MCTP2: variants seen among roughly 807,000 people sequenced by gnomAD.
MCTP2 encodes multiple C2 and transmembrane domain containing 2, also known as multiple C2 and transmembrane domain-containing protein 2.
In MCTP2, 132 loss-of-function variants were observed where a neutral mutation model predicts 111.6. The ratio of observed to expected loss-of-function variants is 1.18; its 90% CI spans 1.03 to 1.37. The LOEUF is 1.37. MCTP2 is among the 40% of genes most tolerant of loss of function. The pLI, the probability that MCTP2 is intolerant of heterozygous loss-of-function variation, is 0.00. For missense variants in MCTP2, 1,183 were observed against 1,067.9 expected, an observed-to-expected ratio of 1.11 and a Z score of -1.50; for synonymous variants, 395 against 387.7, an observed-to-expected ratio of 1.02 and a Z score of -0.22.
chr15:94,340,762 A>C (rs1299537660), intron 6 of MCTP2, 51 bp from the exon 7 acceptor site: 2 of 1,173,712 alleles, frequency 1.7e-6, no homozygotes, highest in Admixed American at 3.5e-5. Context: ...GTGTAGGTCA[A>C]TACAGTCCTG....
chr15:94,366,109 C>G (rs1032392498), intron 10 of MCTP2, among the ~76,000 whole-genome samples: 1 of 152,112 alleles, frequency 6.6e-6, no homozygotes, highest in Admixed American at 6.5e-5. Flanking sequence ...CCACTTACAT[C>G]ATGCTTATGA....
chr15:94,365,306 A>G (rs1266257183), intron 10 of MCTP2, among the ~76,000 whole-genome samples: 2 of 152,226 alleles, frequency 1.3e-5, no homozygotes, highest in Admixed American at 1.3e-4. Context: ...CTGTTGCTCA[A>G]AGGACTCTAA....
chr15:94,325,273 C>T (rs1369329078), intron 4 of MCTP2, among the ~76,000 whole-genome samples: 7 of 151,372 alleles, frequency 4.6e-5, no homozygotes, highest in East Asian at 1.9e-4. Context: ...GGTCGTGGGG[C>T]GGGGCCGTGA....
chr15:94,458,186 T>C lies in MCTP2; in HGVS notation c.2300T>C (p.Ile767Thr), dbSNP rs1347887011. ...GAAAGAATCTATATGGTACAGGATATTGTTTCAACTGTTCAAAACGTCTTG... is the reference window on the plus strand; with the variant it reads ...GAAAGAATCTATATGGTACAGGATACTGTTTCAACTGTTCAAAACGTCTTG... ...LIERIYMVQD[I>T]VSTVQNVLEE... The change falls in exon 20 of 23, where the codon ATT becomes ACT. Residue 767 changes from isoleucine (I) to threonine (T), a missense_variant. Ile to Thr is a moderately conservative substitution (Grantham distance 89). Coordinates refer to ENST00000357742, the MANE Select transcript of MCTP2 (RefSeq NM_001385001.1). 2 of 1,612,780 alleles carry C rather than the reference T, an allele frequency of 1.2e-6. No homozygotes were observed. The highest frequency in any genetic ancestry group is 1.7e-6 in the Non-Finnish European group (2 of 1,178,736).
intron 10 of MCTP2, 112 bp from the exon 11 acceptor site, chr15:94,367,493 C>A: frequency 1.2e-6 from 1 of 818,948 alleles, no homozygotes; most frequent in Non-Finnish European, 1.9e-6. Context: ...AACCTAAGAC[C>A]AGACAGAGTG....
chr15:94,364,284 C>A (rs2152432734), intron 10 of MCTP2, among the ~76,000 whole-genome samples: 1 of 152,086 alleles, frequency 6.6e-6, no homozygotes, highest in Admixed American at 6.5e-5. Context: ...AAACTTATGG[C>A]CCACAAACCA....
chr15:94,247,553 G>C (rs1438574066), intron 1 of MCTP2, among the ~76,000 whole-genome samples: 1 of 152,050 alleles, frequency 6.6e-6, no homozygotes, highest in East Asian at 1.9e-4. Flanking sequence ...GAGATGTTAA[G>C]AGGAGTGGGT....
chr15:94,400,488 G>A (rs1303402339), intron 16 of MCTP2, among the ~76,000 whole-genome samples: 1 of 151,802 alleles, frequency 6.6e-6, no homozygotes, highest in East Asian at 1.9e-4. Flanking sequence ...GGGATGTGTT[G>A]GCATTTCACC....
intron 16 of MCTP2, 128 bp downstream of exon 16, chr15:94,400,123 C>A: frequency 1.4e-6 from 1 of 710,124 alleles, no homozygotes; most frequent in Non-Finnish European, 2.4e-6. Context: ...CTCCCTCTTG[C>A]CCCATCTCTC....
rs146268290 is a variant in MCTP2 at position 94,257,836 on chromosome 15, C to T, written c.-66+26172C>T. ...TCTTAACCTTGTGATCTGCCCTCCT[C>T]GGCCTCCCAAAGTGTCAGGATTACA... is the stretch of plus-strand genomic sequence containing the variant. On this transcript the variant is annotated intron_variant, in intron 1 of 22. Transcript: ENST00000357742. 5.7e-3 allele frequency among the ~76,000 whole-genome samples: 866 copies of T among 151,354 alleles called. 8 individuals are homozygous for T. Among genetic ancestry groups the T allele is most frequent in the African/African-American group, 0.019 (798 of 41,246 alleles).
intron 12 of MCTP2, among the ~76,000 whole-genome samples, chr15:94,379,751 T>A (rs1428295242): frequency 1.4e-5 from 2 of 147,070 alleles, no homozygotes; most frequent in East Asian, 1.9e-4. Flanking sequence ...ATATGATATA[T>A]AATATATATA....
At chr15:94,258,288 G>A (rs531239571) in intron 1 of MCTP2, among the ~76,000 whole-genome samples, 1 of 152,168 alleles carries the variant, frequency 6.6e-6, no homozygotes, top group Admixed American at 6.5e-5. Flanking sequence ...CTAAGCCCAG[G>A]TTATGGTAAA....
rs1426869045 is a variant in MCTP2 at position 94,398,985 on chromosome 15, T to A, written c.1813T>A (p.Tyr605Asn). 1 of 1,559,434 alleles carries A rather than the reference T, an allele frequency of 6.4e-7. No individual in the cohort carries two copies. The highest frequency in any genetic ancestry group is 8.8e-7 in the Non-Finnish European group (1 of 1,130,916). ...LSIRDGQPNC[Y>N]VLKNKDLEQA... ...GATTAGAGATGGACAACCGAATTGT[T>A]ATGTACTAAAGAATAAAGATTTAGA... The change falls in exon 15 of 23, where the codon TAT becomes AAT. Residue 605 changes from tyrosine to asparagine, a missense_variant. Coordinates refer to ENST00000357742, the MANE Select transcript of MCTP2 (RefSeq NM_001385001.1).
chr15:94,310,711 A>G (rs1017690921), intron 2 of MCTP2, among the ~76,000 whole-genome samples: 4 of 150,738 alleles, frequency 2.7e-5, no homozygotes, highest in African/African-American at 9.7e-5. Context: ...ATTTCATAAC[A>G]TAAAATAATA....
chr15:94,408,170 A>C (rs1426849079), intron 17 of MCTP2, among the ~76,000 whole-genome samples: 1 of 152,204 alleles, frequency 6.6e-6, no homozygotes, highest in Non-Finnish European at 1.5e-5. Context: ...TATGACATCC[A>C]CCAGAAGTCA....
intron 17 of MCTP2, among the ~76,000 whole-genome samples, chr15:94,416,727 A>G (rs1415859851): frequency 6.6e-6 from 1 of 152,162 alleles, no homozygotes; most frequent in Non-Finnish European, 1.5e-5. Flanking sequence ...CACAGAAAAT[A>G]TAGTGCAGAA....
At position 94,361,737 on chromosome 15, in the gene MCTP2, T is replaced by G. The variant is rs1255836516; in HGVS notation, c.1301+3125T>G. ...CATAGAATTTTTTGATATTTTTTGGTAAAAGTGGGCAGTGACCATCGTCAA... is the reference window on the plus strand; with the variant it reads ...CATAGAATTTTTTGATATTTTTTGGGAAAAGTGGGCAGTGACCATCGTCAA... On this transcript the variant is annotated intron_variant, in intron 10 of 22. Transcript: ENST00000357742. 2.6e-5 allele frequency among the ~76,000 whole-genome samples: 4 copies of G among 152,204 alleles called. No homozygotes were observed. In the East Asian group the frequency reaches 7.7e-4, roughly 29 times the overall value.
chr15:94,454,374 A>G (rs1465279319), intron 19 of MCTP2, among the ~76,000 whole-genome samples: 1 of 152,206 alleles, frequency 6.6e-6, no homozygotes, highest in Non-Finnish European at 1.5e-5. Context: ...GACAAGCAAT[A>G]ATGTTCCACC....
chr15:94,259,334 G>A (rs1340036600), intron 1 of MCTP2, among the ~76,000 whole-genome samples: 1 of 152,212 alleles, frequency 6.6e-6, no homozygotes, highest in Non-Finnish European at 1.5e-5. Flanking sequence ...GCAGAGTGGT[G>A]ATCAGGAAGG....
Sources: gnomAD v4.1 joint callset for allele counts (sites outside exome capture counted in the v4.1 genomes callset) on GRCh38, gnomAD v4.1.1 for gene constraint, MANE v1.5 for transcripts, NCBI Gene and HGNC (gene_info 2026-07-23, HGNC 2026-07-21) for gene names.